Variants in CYRIB observed in about 807,000 individuals in gnomAD.
The protein encoded by CYRIB is CYFIP related Rac1 interactor B.
Under a neutral mutation model 44.2 loss-of-function variants are expected in CYRIB, and 8 were observed. The observed-to-expected ratio is 0.18, with a 90% CI of 0.11 to 0.33. The LOEUF is 0.33. CYRIB is among the 10% of genes least tolerant of loss of function. The probability of loss-of-function intolerance (pLI) is 1.00; values close to 1 mark genes in which losing one functional copy is unlikely to be tolerated. For synonymous variants in CYRIB, 131 were observed against 127.2 expected (o/e 1.03, Z -0.20); for missense variants, 185 against 382.8 (o/e 0.48, Z 4.31).
intron 1 of CYRIB, among the ~76,000 whole-genome samples, chr8:130,005,108 T>A (rs2097018013): frequency 6.6e-6 from 1 of 152,048 alleles, no homozygotes; most frequent in South Asian, 2.1e-4. Context: ...TGTGCTGACT[T>A]CTGAACTTCA....
At chr8:129,983,881 G>A (rs1327218584) in intron 1 of CYRIB, among the ~76,000 whole-genome samples, 1 of 152,224 alleles carries the variant, frequency 6.6e-6, no homozygotes. Context: ...GATCTTCGCC[G>A]GGGCCCCGCC....
upstream of CYRIB, among the ~76,000 whole-genome samples, chr8:129,942,615 A>C (rs1361152494): frequency 6.6e-6 from 1 of 152,236 alleles, no homozygotes; most frequent in Non-Finnish European, 1.5e-5. Flanking sequence ...CAAAGCTTTC[A>C]AAGACTTATG....
At chr8:129,861,539 G>C in intron 5 of CYRIB, among the ~76,000 whole-genome samples, 1 of 151,864 alleles carries the variant, frequency 6.6e-6, no homozygotes, top group Non-Finnish European at 1.5e-5. Flanking sequence ...CCTGGACTCA[G>C]GTGATCCTCC....
At chr8:129,846,810 G>A in exon 11 of CYRIB, 1 of 1,593,524 alleles carries the variant, frequency 6.3e-7, no homozygotes, top group Non-Finnish European at 8.5e-7. Flanking sequence ...ACACCTGAGA[G>A]CATTTAGAAG....
rs2131397808 is a variant in CYRIB, at chr8:129,849,508, A to G, written c.714-139T>C. The G allele has an allele frequency of 5.6e-6, 4 of 718,020 alleles. No individual in the cohort carries two copies. The South Asian group carries it at 6.7e-5, about 12-fold the overall frequency. 44.5% of individuals were successfully genotyped at this position (718,020 alleles called of 1,614,324 possible). A position where few individuals can be genotyped will look rare whatever the true frequency, so the allele number is the denominator to read the frequency against. On this transcript the variant is annotated intron_variant, in intron 9 of 11. Coordinates refer to ENST00000519824, the Ensembl canonical transcript of CYRIB. ...AGTTGAATGCAGTATGTTCACAAGT[A>G]GCCACACTGATACATTCAAATCTTA...
chr8:129,941,009 C>T (rs2093651850), upstream of CYRIB, among the ~76,000 whole-genome samples: 1 of 152,102 alleles, frequency 6.6e-6, no homozygotes, highest in African/African-American at 2.4e-5. Context: ...CTCCTTGCCA[C>T]AAAACACAGA....
chr8:129,985,248 G>A (rs1477354510), intron 1 of CYRIB, among the ~76,000 whole-genome samples: 1 of 152,220 alleles, frequency 6.6e-6, no homozygotes, highest in African/African-American at 2.4e-5. Flanking sequence ...AGATCATCCA[G>A]CGGATGGGAT....
At chr8:129,881,153 G>A (rs771381581) in intron 2 of CYRIB, among the ~76,000 whole-genome samples, 51 of 152,124 alleles carry the variant, frequency 3.4e-4, no homozygotes, top group Non-Finnish European at 6.3e-4. Flanking sequence ...GTGAAAATAC[G>A]GCATTGGCAT....
intron 1 of CYRIB, among the ~76,000 whole-genome samples, chr8:129,984,731 T>C (rs1468128578): frequency 1.3e-5 from 2 of 152,176 alleles, no homozygotes; most frequent in African/African-American, 4.8e-5. Flanking sequence ...TCCTGGGTCC[T>C]CTAGGAATGC....
chr8:129,869,056 T>TA (rs35946610), intron 4 of CYRIB, among the ~76,000 whole-genome samples: 1,211 of 119,022 alleles, frequency 0.01, 17 homozygotes, highest in African/African-American at 0.034. Context: ...GTTCTATATT[T>TA]AAAAAAAAAA....
chr8:129,943,624 A>G (rs1274461221), upstream of CYRIB, among the ~76,000 whole-genome samples: 29 of 79,264 alleles, frequency 3.7e-4, 2 homozygotes, highest in African/African-American at 1.3e-3. Context: ...TTGAGACAGG[A>G]GTCTCGCTCT....
exon 1 of CYRIB, chr8:129,939,691 G>A (rs11556449): frequency 1.3e-5 from 2 of 152,304 alleles, no homozygotes; most frequent in African/African-American, 4.8e-5. Context: ...CGGCGCTAGG[G>A]GGAGCCCCGG....
At chr8:129,996,574 C>G (rs4733756) in intron 1 of CYRIB, among the ~76,000 whole-genome samples, 43,920 of 152,048 alleles carry the variant, frequency 0.29, 6,563 homozygotes, top group East Asian at 0.4. Context: ...ATTCCCTACT[C>G]ATTTGTGGAT....
intron 3 of CYRIB, among the ~76,000 whole-genome samples, chr8:129,872,934 G>A (rs1304878729): frequency 6.6e-6 from 1 of 151,946 alleles, no homozygotes; most frequent in Non-Finnish European, 1.5e-5. Context: ...ACGTGAAACT[G>A]GGAGTAAAGA....
At position 129,955,054 on chromosome 8, in the gene CYRIB, A is replaced by G. The variant is rs542141811; in HGVS notation, c.-243+15889T>C. ...GGATCACTTGAGTTTAGGAGTTTGA[A>G]ACTAGCCTGGCCAACATGGTGAAGT... On this transcript the variant is annotated intron_variant, in intron 2 of 14. Transcript: ENST00000401979. 4.6e-4 allele frequency among the ~76,000 whole-genome samples: 70 copies of G among 152,080 alleles called. No individual in the cohort carries two copies. The South Asian group carries it at 0.01, about 22-fold the overall frequency.
At chr8:129,947,531 C>A (rs941450950) in intron 2 of CYRIB, among the ~76,000 whole-genome samples, 2 of 152,046 alleles carry the variant, frequency 1.3e-5, no homozygotes, top group African/African-American at 4.8e-5. Flanking sequence ...GAGAGCCTCC[C>A]TAAATATGTT....
At chr8:129,897,815 G>A (rs2068864914) in intron 2 of CYRIB, among the ~76,000 whole-genome samples, 2 of 151,908 alleles carry the variant, frequency 1.3e-5, no homozygotes, top group Non-Finnish European at 2.9e-5. Context: ...ACCCAGGCTG[G>A]AGTGCAGTGG....
intron 1 of CYRIB, among the ~76,000 whole-genome samples, chr8:130,006,662 GTATATATA>G (rs1235935230): frequency 3.7e-5 from 4 of 109,544 alleles, no homozygotes; most frequent in Admixed American, 3.0e-4. Flanking sequence ...ATATATATAT[GTATATATA>G]TATGTATATA....
intron 2 of CYRIB, among the ~76,000 whole-genome samples, chr8:129,958,938 G>A (rs1490111596): frequency 6.6e-6 from 1 of 151,264 alleles, no homozygotes; most frequent in Non-Finnish European, 1.5e-5. Context: ...GATGGCGGGC[G>A]CCTGTAATCC....
Sources: allele counts gnomAD v4.1 joint callset (sites outside exome capture counted in the v4.1 genomes callset), GRCh38; gene constraint gnomAD v4.1.1; transcripts MANE v1.5; gene names NCBI Gene and HGNC (gene_info 2026-07-23, HGNC 2026-07-21).